Variants in SGK1 observed in about 807,000 individuals in gnomAD.
SGK1 encodes serum/glucocorticoid regulated kinase 1.
Under a neutral mutation model 64.2 loss-of-function variants are expected in SGK1, and 26 were observed. The observed-to-expected ratio is 0.40, with a 90% CI of 0.30 to 0.56. The LOEUF (loss-of-function observed/expected upper bound fraction) is 0.56. Among genes scored for constraint, SGK1 ranks in the 20% least tolerant of loss-of-function variants. SGK1 has a pLI of 0.38. For synonymous variants in SGK1, 265 were observed against 239.7 expected (o/e 1.11, Z -0.98); for missense variants, 519 against 645.6 (o/e 0.80, Z 2.12).
At chr6:134,184,624 A>T (rs1171887402) in intron 3 of SGK1, among the ~76,000 whole-genome samples, 1 of 151,586 alleles carries the variant, frequency 6.6e-6, no homozygotes, top group Admixed American at 6.6e-5. Flanking sequence ...TTATTATGTG[A>T]CTTTTTCTGG....
intron 2 of SGK1, among the ~76,000 whole-genome samples, chr6:134,232,262 G>A (rs1776289726): frequency 6.6e-6 from 1 of 150,590 alleles, no homozygotes; most frequent in South Asian, 2.1e-4. Flanking sequence ...GCAAGTGCCT[G>A]TAATCCCAGC....
At chr6:134,204,241 TAA>T (rs1775731518) in intron 3 of SGK1, among the ~76,000 whole-genome samples, 1 of 149,748 alleles carries the variant, frequency 6.7e-6, no homozygotes, top group Non-Finnish European at 1.5e-5. Flanking sequence ...AATAAATAAA[TAA>T]ATAAATAAAT....
chr6:134,215,130 C>CTTT (rs780554551), intron 2 of SGK1: 7,950 of 341,922 alleles, frequency 0.023, 585 homozygotes, highest in African/African-American at 0.17. Context: ...TTCTTTCTTT[C>CTTT]TTTCTTTTTT....
chr6:134,234,091 AAC>A (rs1776328767), intron 2 of SGK1, among the ~76,000 whole-genome samples: 1 of 152,250 alleles, frequency 6.6e-6, no homozygotes, highest in Non-Finnish European at 1.5e-5. Flanking sequence ...TTAATAATAG[AAC>A]ATTTTAAAAA....
rs7756508 is a variant in SGK1, at chr6:134,215,683, C to T, written c.286-8252G>A. 8.9e-3 allele frequency among the ~76,000 whole-genome samples: 1,355 copies of T among 152,062 alleles called. 23 individuals are homozygous for T. The highest frequency in any genetic ancestry group is 0.031 in the African/African-American group (1,272 of 41,524). ...ATCACCTGAGGTCAGGAGTTCCAGACCAGCCTGGCCAAAATGGCAAAACCC... is the reference window on the plus strand; with the variant it reads ...ATCACCTGAGGTCAGGAGTTCCAGATCAGCCTGGCCAAAATGGCAAAACCC... On this transcript the variant is annotated intron_variant, in intron 2 of 13. Transcript: ENST00000367858.
chr6:134,246,510 G>C (rs1776527130), intron 2 of SGK1, among the ~76,000 whole-genome samples: 2 of 152,222 alleles, frequency 1.3e-5, no homozygotes, highest in Non-Finnish European at 1.5e-5. Flanking sequence ...GGGGAGGACA[G>C]AAGCAGAGAT....
chr6:134,298,410 C>T, intron 1 of SGK1: 1 of 1,058,920 alleles, frequency 9.4e-7, no homozygotes, highest in Non-Finnish European at 1.5e-6. Flanking sequence ...TGCTGAGGGT[C>T]TTGATCTTCC....
chr6:134,172,211 G>A lies in SGK1; in HGVS notation c.1053C>T (p.Thr351=). ...ENIEHNSTTS[T]FCGTPEYLAP... ...CGCCTACCTCCGGCGTGCCACAGAAGGTGGATGTTGTGCTGTTGTGTTCAA... is the reference window on the plus strand; with the variant it reads ...CGCCTACCTCCGGCGTGCCACAGAAAGTGGATGTTGTGCTGTTGTGTTCAA... The change falls in exon 10 of 14, where the codon ACC becomes ACT. Residue 351 remains threonine (T), a synonymous_variant. Coordinates refer to ENST00000367858, the MANE Select transcript of SGK1 (RefSeq NM_001143676.3). The A allele has an allele frequency of 6.2e-7, 1 of 1,614,160 alleles. No homozygotes were observed. The highest frequency in any genetic ancestry group is 8.5e-7 in the Non-Finnish European group (1 of 1,180,006).
At position 134,264,320 on chromosome 6, in the gene SGK1, C is replaced by T. The variant is rs1473120815; in HGVS notation, c.70-2172G>A. On this transcript the variant is annotated intron_variant, in intron 1 of 13. Coordinates refer to ENST00000367858, the MANE Select transcript of SGK1 (RefSeq NM_001143676.3). The stretch of plus-strand genomic sequence containing the variant: ...ATTTTTAGTAGAGACCGGGTTTCAT[C>T]GTGTTAGCCAGGATGGTCTCGATCT... Among the ~76,000 whole-genome samples, 5 of 151,944 alleles carry T rather than the reference C, an allele frequency of 3.3e-5. No individual in the cohort carries two copies. In the South Asian group the frequency reaches 8.3e-4, roughly 25 times the overall value.
At chr6:134,249,675 T>A (rs565810620) in intron 2 of SGK1, 1 of 152,366 alleles carries the variant, frequency 6.6e-6, no homozygotes, top group South Asian at 2.1e-4. Flanking sequence ...AAGCTTATGA[T>A]AGAAACTCTC....
chr6:134,277,026 G>A (rs1777028042), intron 1 of SGK1, among the ~76,000 whole-genome samples: 1 of 152,016 alleles, frequency 6.6e-6, no homozygotes, highest in East Asian at 1.9e-4. Flanking sequence ...CTCCAGCCTG[G>A]CAAGAGACTC....
intron 1 of SGK1, chr6:134,297,915 A>T: frequency 2.5e-6 from 2 of 806,280 alleles, no homozygotes; most frequent in South Asian, 1.3e-5. Flanking sequence ...GCGGTTGGTG[A>T]TCTCCTCGTA....
intron 3 of SGK1, among the ~76,000 whole-genome samples, chr6:134,198,534 T>C (rs544885112): frequency 7.5e-4 from 114 of 152,188 alleles, no homozygotes; most frequent in Non-Finnish European, 1.4e-3. Flanking sequence ...CTGAAGTCCT[T>C]CCTCTGCTTG....
chr6:134,174,665 G>T, intron 3 of SGK1, 79 bp from the exon 4 acceptor site: 1 of 1,608,736 alleles, frequency 6.2e-7, no homozygotes, highest in Middle Eastern at 1.7e-4. Context: ...AATCTGATCC[G>T]GGACTTTCAA....
Position 134,222,015 on chromosome 6 carries a change from C to A in SGK1, c.286-14584G>T, listed in dbSNP as rs571574368. Among the ~76,000 whole-genome samples, 9 of 152,320 alleles carry A rather than the reference C, an allele frequency of 5.9e-5. No individual in the cohort carries two copies. The South Asian group carries it at 1.9e-3, about 32-fold the overall frequency. On this transcript the variant is annotated intron_variant, in intron 2 of 13. Transcript: ENST00000367858. ...TAAAAAATGTGAATCATAAATCCCA[C>A]TGTACTTGAGCTACTAGAATTAAAG...
At chr6:134,291,788 C>T (rs1265402887) in intron 1 of SGK1, among the ~76,000 whole-genome samples, 4 of 152,154 alleles carry the variant, frequency 2.6e-5, no homozygotes, top group Non-Finnish European at 2.9e-5. Flanking sequence ...TGGCCAGGCA[C>T]GATGGGTCAC....
chr6:134,206,408 A>G (rs1257377426), intron 3 of SGK1, among the ~76,000 whole-genome samples: 1 of 80,836 alleles, frequency 1.2e-5, no homozygotes, highest in Admixed American at 1.5e-4. Flanking sequence ...TTTTTTTTTT[A>G]AATGACAGGC....
At chr6:134,256,595 C>A (rs553332222) in intron 2 of SGK1, among the ~76,000 whole-genome samples, 1 of 152,234 alleles carries the variant, frequency 6.6e-6, no homozygotes, top group East Asian at 1.9e-4. Flanking sequence ...TACGTTTAGT[C>A]AGCATACACC....
chr6:134,232,282 G>T (rs1211598366), intron 2 of SGK1, among the ~76,000 whole-genome samples: 2 of 151,554 alleles, frequency 1.3e-5, no homozygotes, highest in African/African-American at 4.9e-5. Flanking sequence ...CTATTCGGGA[G>T]GTTGAGGCAG....
Sources: allele counts gnomAD v4.1 joint callset (sites outside exome capture counted in the v4.1 genomes callset), GRCh38; gene constraint gnomAD v4.1.1; transcripts MANE v1.5; gene names NCBI Gene and HGNC (gene_info 2026-07-23, HGNC 2026-07-21).